Variants in CTNNA2 observed in about 807,000 individuals in gnomAD.
CTNNA2 encodes the protein catenin alpha 2.
CTNNA2 carries 42 observed loss-of-function variants against 101.0 expected under a neutral mutation model. The observed-to-expected ratio is 0.42, with a 90% CI of 0.32 to 0.54. CTNNA2 has a LOEUF of 0.54. Among genes scored for constraint, CTNNA2 ranks in the 20% least tolerant of loss-of-function variants. CTNNA2 has a pLI of 0.14. For missense variants in CTNNA2, 871 were observed against 1,223.1 expected (o/e 0.71, Z 4.29); for synonymous variants, 450 against 456.4 (o/e 0.99, Z 0.18).
intron 18 of CTNNA2, among the ~76,000 whole-genome samples, chr2:80,641,697 T>G (rs556897629): frequency 6.6e-6 from 1 of 152,276 alleles, no homozygotes; most frequent in South Asian, 2.1e-4. Flanking sequence ...TACTTAACTA[T>G]TCCCTACTTA....
intron 2 of CTNNA2, among the ~76,000 whole-genome samples, chr2:79,690,352 A>C (rs964977918): frequency 6.6e-6 from 1 of 152,068 alleles, no homozygotes; most frequent in Non-Finnish European, 1.5e-5. Context: ...TTACTCAAAA[A>C]TAAAGTTGAA....
intron 7 of CTNNA2, among the ~76,000 whole-genome samples, chr2:80,052,319 C>G (rs1413435324): frequency 1.3e-5 from 2 of 152,146 alleles, no homozygotes; most frequent in Non-Finnish European, 2.9e-5. Context: ...ATGATGACAG[C>G]TTTCTTCATT....
At chr2:79,479,432 C>A (rs905622592) in intron 4 of CTNNA2, among the ~76,000 whole-genome samples, 2 of 152,144 alleles carry the variant, frequency 1.3e-5, no homozygotes, top group African/African-American at 4.8e-5. Context: ...TGGTCTGGCA[C>A]CTGTTTTCAG....
In CTNNA2 at chr2:79,812,560, T is replaced by C. The variant is rs79874847; in HGVS notation, c.299-45453T>C. 3.6e-3 allele frequency among the ~76,000 whole-genome samples: 541 copies of C among 152,338 alleles called. 1 individual carries two copies. Among genetic ancestry groups the C allele is most frequent in the African/African-American group, 0.012 (518 of 41,576 alleles). On this transcript the variant is annotated intron_variant, in intron 3 of 18. Transcript: ENST00000402739. Reference sequence around the variant, plus strand: ...ATTTCATGGTCAAGCTTATTTTCTTTGCCCTAATATATAAGAAACCTTATG... The same window carrying C: ...ATTTCATGGTCAAGCTTATTTTCTTCGCCCTAATATATAAGAAACCTTATG...
chr2:79,232,080 C>G (rs1674500242), intron 2 of CTNNA2, among the ~76,000 whole-genome samples: 1 of 152,050 alleles, frequency 6.6e-6, no homozygotes, highest in South Asian at 2.1e-4. Flanking sequence ...CCTGGGTAGG[C>G]CTTCCAGTAC....
chr2:80,165,545 A>C (rs1333798386), intron 7 of CTNNA2, among the ~76,000 whole-genome samples: 1 of 152,138 alleles, frequency 6.6e-6, no homozygotes, highest in Non-Finnish European at 1.5e-5. Context: ...TCATACCTGC[A>C]TTACAAGAAG....
chr2:80,538,284 C>T (rs760667403), intron 9 of CTNNA2, among the ~76,000 whole-genome samples: 3 of 152,084 alleles, frequency 2.0e-5, no homozygotes, highest in Non-Finnish European at 4.4e-5. Flanking sequence ...GTTTTTTAGT[C>T]GTGAAGCCTT....
intron 9 of CTNNA2, among the ~76,000 whole-genome samples, chr2:80,512,992 T>A (rs1421598173): frequency 6.6e-6 from 1 of 152,170 alleles, no homozygotes; most frequent in Non-Finnish European, 1.5e-5. Flanking sequence ...AGATTTGAGC[T>A]ATTTTGGGGC....
At chr2:79,684,010 C>G (rs1409339087) in intron 2 of CTNNA2, among the ~76,000 whole-genome samples, 1 of 152,046 alleles carries the variant, frequency 6.6e-6, no homozygotes, top group African/African-American at 2.4e-5. Context: ...CTACTCCATA[C>G]CACTGAAGGA....
intron 2 of CTNNA2, among the ~76,000 whole-genome samples, chr2:79,690,679 A>G (rs1684231361): frequency 1.3e-5 from 2 of 152,120 alleles, no homozygotes; most frequent in South Asian, 4.1e-4. Context: ...GAAAGCCCAG[A>G]GAGAGTAAAG....
chr2:79,964,929 G>A, intron 7 of CTNNA2, among the ~76,000 whole-genome samples: 1 of 152,148 alleles, frequency 6.6e-6, no homozygotes, highest in Non-Finnish European at 1.5e-5. Context: ...ATGTGTAGGT[G>A]GGATGCCAAT....
chr2:80,342,257 T>C (rs1672313843), intron 7 of CTNNA2, among the ~76,000 whole-genome samples: 1 of 152,210 alleles, frequency 6.6e-6, no homozygotes, highest in South Asian at 2.1e-4. Context: ...GGCATATCCA[T>C]TGCATCTAAA....
At chr2:80,059,008 T>G (rs1697403229) in intron 7 of CTNNA2, among the ~76,000 whole-genome samples, 2 of 152,252 alleles carry the variant, frequency 1.3e-5, no homozygotes, top group South Asian at 4.1e-4. Context: ...CCTTCTTTTC[T>G]TCTGCTTTTT....
At chr2:80,145,539 G>A (rs1296483610) in intron 7 of CTNNA2, among the ~76,000 whole-genome samples, 1 of 152,190 alleles carries the variant, frequency 6.6e-6, no homozygotes, top group South Asian at 2.1e-4. Flanking sequence ...GGAATACACA[G>A]GAGGTCTGGA....
chr2:79,812,320 A>T (rs1174514166), intron 3 of CTNNA2, among the ~76,000 whole-genome samples: 1 of 152,150 alleles, frequency 6.6e-6, no homozygotes, highest in Non-Finnish European at 1.5e-5. Context: ...TCCTGATATT[A>T]GAGAGACAGC....
chr2:80,446,811 T>C (rs2149449798), intron 9 of CTNNA2, among the ~76,000 whole-genome samples: 1 of 152,294 alleles, frequency 6.6e-6, no homozygotes, highest in South Asian at 2.1e-4. Context: ...TAAAGGCCTG[T>C]CAGTATAAAT....
At chr2:80,351,084 C>G (rs914322478) in intron 7 of CTNNA2, among the ~76,000 whole-genome samples, 14 of 152,070 alleles carry the variant, frequency 9.2e-5, no homozygotes, top group African/African-American at 3.4e-4. Context: ...TTAGAACACT[C>G]CTACAACCAT....
chr2:80,108,384 C>A (rs1446671635), intron 7 of CTNNA2, among the ~76,000 whole-genome samples: 1 of 152,098 alleles, frequency 6.6e-6, no homozygotes, highest in Non-Finnish European at 1.5e-5. Flanking sequence ...CTATGCTGCC[C>A]CCTACCCTAT....
intron 2 of CTNNA2, among the ~76,000 whole-genome samples, chr2:79,226,991 CA>C (rs5832369): frequency 0.99 from 149,274 of 151,250 alleles, 73,667 homozygotes; most frequent in East Asian, 1. Context: ...AAATTTCCTC[CA>C]AAAAAAAAAA....
Sources: allele counts gnomAD v4.1 joint callset (sites outside exome capture counted in the v4.1 genomes callset), GRCh38; gene constraint gnomAD v4.1.1; transcripts MANE v1.5; gene names NCBI Gene and HGNC (gene_info 2026-07-23, HGNC 2026-07-21).